RASAL2: variants seen among roughly 807,000 people sequenced by gnomAD.
RASAL2 encodes the protein RAS protein activator like 2, also known as ras GTPase-activating protein nGAP.
RASAL2 carries 58 observed loss-of-function variants against 128.9 expected under a neutral mutation model. That is an observed-to-expected ratio of 0.45 (90% CI 0.36 to 0.56). The LOEUF is 0.56. Ranked by LOEUF, RASAL2 falls within the 20% of genes least tolerant of loss-of-function variation. RASAL2 has a pLI of 0.00. For missense variants in RASAL2, 1,360 were observed against 1,601.6 expected, an observed-to-expected ratio of 0.85 and a Z score of 2.57; for synonymous variants, 561 against 580.8, an observed-to-expected ratio of 0.97 and a Z score of 0.49.
rs1275025120 is a variant in RASAL2, at chr1:178,119,457, A to G, written c.202+24763A>G. On this transcript the variant is annotated intron_variant, in intron 1 of 17. Transcript: ENST00000367649. The stretch of plus-strand genomic sequence containing the variant: ...TTGTTAAGTTCAGGTGACATTTTGC[A>G]GCTAGCCAGCATTTCTCTATGGATG... 2.0e-5 allele frequency among the ~76,000 whole-genome samples: 3 copies of G among 152,224 alleles called. No homozygotes were observed. In the East Asian group the frequency reaches 5.8e-4, roughly 29 times the overall value.
chr1:178,237,913 A>G (rs1337994838), intron 1 of RASAL2, among the ~76,000 whole-genome samples: 2 of 152,212 alleles, frequency 1.3e-5, no homozygotes, highest in Non-Finnish European at 2.9e-5. Context: ...GGTAACCACC[A>G]TTCTACTTTC....
intron 17 of RASAL2, among the ~76,000 whole-genome samples, chr1:178,469,827 C>T (rs908406675): frequency 2.0e-5 from 3 of 152,118 alleles, no homozygotes; most frequent in Admixed American, 2.0e-4. Context: ...AAATTACCTA[C>T]CCAAACACAA....
At chr1:178,193,760 G>T (rs534893694) in intron 1 of RASAL2, among the ~76,000 whole-genome samples, 1 of 137,536 alleles carries the variant, frequency 7.3e-6, no homozygotes, top group African/African-American at 2.7e-5. Context: ...AATTTACCAC[G>T]AGTACTTGAC....
Position 178,219,632 on chromosome 1 carries a change from G to GA in RASAL2, c.203-63917dup, listed in dbSNP as rs34519020. On this transcript the variant is annotated intron_variant, in intron 1 of 17. Transcript: ENST00000367649. ...GTGACAGAGTGAGACTCTGCCTCAG[G>GA]AAAAAAAAAAAAAAAGAAAGAAAGA... 3.5e-3 allele frequency among the ~76,000 whole-genome samples: 380 copies of GA among 108,536 alleles called. 3 individuals carry two copies. The highest frequency in any genetic ancestry group is 6.3e-3 in the African/African-American group (182 of 29,120). 71.2% of individuals were successfully genotyped at this position (108,536 alleles called of 152,430 possible). A position where few individuals can be genotyped will look rare whatever the true frequency, so the allele number is the denominator to read the frequency against.
chr1:178,096,521 AT>A (rs1658693291), intron 1 of RASAL2, among the ~76,000 whole-genome samples: 1 of 151,362 alleles, frequency 6.6e-6, no homozygotes, highest in Non-Finnish European at 1.5e-5. Context: ...AGTTTACATT[AT>A]GTTTTTTTTC....
chr1:178,315,286 G>A (rs1668453793), intron 3 of RASAL2, among the ~76,000 whole-genome samples: 1 of 147,656 alleles, frequency 6.8e-6, no homozygotes, highest in African/African-American at 2.6e-5. Flanking sequence ...ATGATTTATA[G>A]TCATTTGGGT....
At chr1:178,181,070 G>T (rs1662092228) in intron 1 of RASAL2, among the ~76,000 whole-genome samples, 1 of 151,822 alleles carries the variant, frequency 6.6e-6, no homozygotes, top group African/African-American at 2.4e-5. Context: ...TTTGTAGCTT[G>T]TCTCTTTTTT....
chr1:178,197,532 C>A (rs1571616493), intron 1 of RASAL2, among the ~76,000 whole-genome samples: 2 of 151,370 alleles, frequency 1.3e-5, no homozygotes, highest in African/African-American at 4.9e-5. Flanking sequence ...TTGCTTGAAC[C>A]CAGGAAAGGG....
intron 1 of RASAL2, among the ~76,000 whole-genome samples, chr1:178,150,342 C>A (rs534055891): frequency 2.0e-5 from 3 of 151,986 alleles, no homozygotes; most frequent in South Asian, 4.2e-4. Flanking sequence ...TTAGCCCTCA[C>A]GCCTGGCTAA....
At chr1:178,184,997 A>G (rs1048144764) in intron 1 of RASAL2, among the ~76,000 whole-genome samples, 7 of 151,968 alleles carry the variant, frequency 4.6e-5, no homozygotes, top group Non-Finnish European at 1.0e-4. Context: ...GATGTTCCAT[A>G]GCTTTTGCAT....
At position 178,134,473 on chromosome 1, in the gene RASAL2, AAAAAAAG is replaced by A. The variant is rs1660238304; in HGVS notation, c.202+39782_202+39788del. Among the ~76,000 whole-genome samples, 5 of 151,896 alleles carry A rather than the reference AAAAAAAG, an allele frequency of 3.3e-5. No individual in the cohort carries two copies. In the South Asian group the frequency reaches 6.2e-4, roughly 19 times the overall value. On this transcript the variant is annotated intron_variant, in intron 1 of 17. Transcript: ENST00000367649. ...ACCCTATCTCAAAAAAAAAAAAAAA[AAAAAAAG>A]AAGGATTAGATGATGTTGAAGGTGA...
intron 5 of RASAL2, among the ~76,000 whole-genome samples, chr1:178,421,593 A>T (rs1675144997): frequency 1.3e-5 from 2 of 152,168 alleles, no homozygotes; most frequent in African/African-American, 4.8e-5. Context: ...AATAAGTAGT[A>T]GAGCTAAGAT....
chr1:178,220,173 C>T (rs1663568622), intron 1 of RASAL2, among the ~76,000 whole-genome samples: 1 of 152,130 alleles, frequency 6.6e-6, no homozygotes, highest in African/African-American at 2.4e-5. Context: ...GCTGCAGATC[C>T]TTGAGCTGAA....
rs1400278265 is a variant in RASAL2 at position 178,468,316 on chromosome 1, CATATCAT to C, written c.3678+898_3678+904del. 2.6e-5 allele frequency among the ~76,000 whole-genome samples: 4 copies of C among 152,282 alleles called. No individual in the cohort carries two copies. The East Asian group carries it at 7.7e-4, about 29-fold the overall frequency. ...GTTTGCATTTTTCAACCTTAAATGA[CATATCAT>C]ATCCCTAAGCTGTGAAATAAAAAAT... On this transcript the variant is annotated intron_variant, in intron 17 of 17. Coordinates refer to ENST00000367649, the MANE Select transcript of RASAL2 (RefSeq NM_170692.4).
intron 1 of RASAL2, among the ~76,000 whole-genome samples, chr1:178,104,950 TG>T (rs538012209): frequency 4.9e-4 from 75 of 152,304 alleles, no homozygotes; most frequent in African/African-American, 1.7e-3. Context: ...TGCAGACATA[TG>T]TTTTAGGTAT....
intron 1 of RASAL2, among the ~76,000 whole-genome samples, chr1:178,180,261 G>A (rs971945189): frequency 2.6e-5 from 4 of 152,052 alleles, no homozygotes; most frequent in Non-Finnish European, 4.4e-5. Context: ...GTTGAGCTAA[G>A]TAGCAGGACA....
At chr1:178,234,138 G>T (rs1262441742) in intron 1 of RASAL2, among the ~76,000 whole-genome samples, 2 of 152,072 alleles carry the variant, frequency 1.3e-5, no homozygotes, top group Non-Finnish European at 2.9e-5. Flanking sequence ...CTCAATTTTG[G>T]AGCACATGTG....
intron 12 of RASAL2, among the ~76,000 whole-genome samples, chr1:178,456,264 A>G (rs562999563): frequency 2.9e-4 from 44 of 152,292 alleles, no homozygotes; most frequent in African/African-American, 1.0e-3. Flanking sequence ...CTTTTCTCAC[A>G]TGATCCCTTT....
chr1:178,294,496 T>A (rs561829417), intron 2 of RASAL2, among the ~76,000 whole-genome samples: 78 of 152,326 alleles, frequency 5.1e-4, no homozygotes, highest in African/African-American at 1.8e-3. Context: ...AGGAGTTTAA[T>A]TAAGAGATAA....
Sources: gnomAD v4.1 joint callset for allele counts (sites outside exome capture counted in the v4.1 genomes callset) on GRCh38, gnomAD v4.1.1 for gene constraint, MANE v1.5 for transcripts, NCBI Gene and HGNC (gene_info 2026-07-23, HGNC 2026-07-21) for gene names.